SHPK: variants seen among roughly 807,000 people sequenced by gnomAD.
SHPK encodes sedoheptulokinase, also known as carbohydrate kinase-like protein.
A neutral mutation model predicts 46.3 loss-of-function variants in SHPK; 51 were observed. That is an observed-to-expected ratio of 1.10 (90% CI 0.88 to 1.39). The LOEUF (loss-of-function observed/expected upper bound fraction) is 1.39. Ranked by LOEUF, SHPK falls within the 40% of genes most tolerant of loss-of-function variation. The pLI, the probability that SHPK is intolerant of heterozygous loss-of-function variation, is 0.00. For missense variants in SHPK, 668 were observed against 641.3 expected (o/e 1.04, Z -0.45); for synonymous variants, 290 against 273.9 (o/e 1.06, Z -0.58).
chr17:3,634,030 G>A (rs188780462), intron 1 of SHPK, among the ~76,000 whole-genome samples: 25 of 149,576 alleles, frequency 1.7e-4, no homozygotes, highest in Admixed American at 1.2e-3. Context: ...GATTAAGGGC[G>A]GTGCAAGATG....
At chr17:3,625,832 C>T (rs529123687) in intron 2 of SHPK, among the ~76,000 whole-genome samples, 10 of 152,306 alleles carry the variant, frequency 6.6e-5, no homozygotes, top group East Asian at 3.9e-4. Context: ...GTGGGCGGAT[C>T]ACCTGAGGTG....
intron 4 of SHPK, chr17:3,622,413 A>G (rs2075408521): frequency 5.3e-6 from 1 of 189,000 alleles, no homozygotes; most frequent in Non-Finnish European, 9.8e-6. Flanking sequence ...GTTCGGCGCC[A>G]TTATGGTTGG....
intron 1 of SHPK, among the ~76,000 whole-genome samples, chr17:3,631,395 C>T (rs750401412): frequency 4.6e-5 from 7 of 151,574 alleles, no homozygotes; most frequent in Non-Finnish European, 8.8e-5. Context: ...TAGACCCTCA[C>T]TGTCCAATAC....
Position 3,620,664 on chromosome 17 carries a change from C to T in SHPK, c.823+573G>A, listed in dbSNP as rs963636884. Among the ~76,000 whole-genome samples the T allele has an allele frequency of 2.0e-5, 3 of 152,028 alleles. 1 individual carries two copies. The highest frequency in any genetic ancestry group is 2.0e-4 in the Admixed American group (3 of 15,256). On this transcript the variant is annotated intron_variant, in intron 5 of 6. Transcript: ENST00000225519. ...GAAACCTCCGCCTCCCGGGTTCAAGCGATTCTCTGCCTCAGCCTCCTGAGT... is the reference window on the plus strand; with the variant it reads ...GAAACCTCCGCCTCCCGGGTTCAAGTGATTCTCTGCCTCAGCCTCCTGAGT...
intron 1 of SHPK, 112 bp from the exon 2 acceptor site, chr17:3,630,458 A>T: frequency 8.9e-7 from 1 of 1,124,324 alleles, no homozygotes; most frequent in Non-Finnish European, 1.2e-6. Flanking sequence ...TCCACTCCCT[A>T]ACTTCACAGT....
At chr17:3,619,291 G>A in intron 5 of SHPK, 1 of 874,694 alleles carries the variant, frequency 1.1e-6, no homozygotes, top group Non-Finnish European at 1.9e-6. Context: ...AACGTGGCCA[G>A]CTTCACATCT....
chr17:3,620,762 T>A (rs1197370978), intron 5 of SHPK, among the ~76,000 whole-genome samples: 2 of 151,488 alleles, frequency 1.3e-5, no homozygotes, highest in Non-Finnish European at 2.9e-5. Flanking sequence ...GGTTTCACCA[T>A]CTTGGCCAGG....
intron 3 of SHPK, 122 bp downstream of exon 3, chr17:3,623,926 T>C: frequency 1.0e-6 from 1 of 976,254 alleles, no homozygotes. Context: ...TGCTGCATCC[T>C]GTCCTGCCAG....
At chr17:3,621,818 A>C (rs993496468) in intron 4 of SHPK, among the ~76,000 whole-genome samples, 1 of 141,320 alleles carries the variant, frequency 7.1e-6, no homozygotes, top group Non-Finnish European at 1.5e-5. Context: ...ATGCCCAGCT[A>C]ATTTTTGTAT....
At chr17:3,630,483 AGGTG>A in intron 1 of SHPK, 137 bp from the exon 2 acceptor site, 4 of 917,838 alleles carry the variant, frequency 4.4e-6, no homozygotes, top group Non-Finnish European at 3.2e-6. Flanking sequence ...GCACTGCTGC[AGGTG>A]AGTTGCAGCA....
At chr17:3,621,460 G>A in intron 4 of SHPK, 48 bp from the exon 5 acceptor site, 1 of 1,545,674 alleles carries the variant, frequency 6.5e-7, no homozygotes, top group Non-Finnish European at 8.8e-7. Context: ...TTAGGTTTCG[G>A]GAATTTAAGG....
At chr17:3,633,633 A>C (rs2075487226) in intron 1 of SHPK, among the ~76,000 whole-genome samples, 1 of 152,068 alleles carries the variant, frequency 6.6e-6, no homozygotes. Context: ...ACACTGGGTG[A>C]GCCTGTAAGC....
intron 2 of SHPK, among the ~76,000 whole-genome samples, chr17:3,625,826 G>A (rs768534051): frequency 6.6e-6 from 1 of 152,228 alleles, no homozygotes; most frequent in Non-Finnish European, 1.5e-5. Context: ...GCCAAGGTGG[G>A]CGGATCACCT....
chr17:3,622,937 T>A (rs1401074069), intron 4 of SHPK, among the ~76,000 whole-genome samples: 1 of 152,136 alleles, frequency 6.6e-6, no homozygotes, highest in Non-Finnish European at 1.5e-5. Context: ...ACTCCTGACC[T>A]CAGGTGATTC....
chr17:3,636,121 T>G lies in SHPK; in HGVS notation c.99A>C (p.Ala33=), dbSNP rs768972920. 2 of 1,610,228 alleles carry G rather than the reference T, an allele frequency of 1.2e-6. No individual in the cohort carries two copies. The highest frequency in any genetic ancestry group is 1.1e-5 in the South Asian group (1 of 90,514). ...RAAPDDPSGF[A]VLASCARAAR... is the part of the protein sequence containing the mutation. Reference sequence around the variant, plus strand: ...CAGCACGGGCACAGCTCGCCAGCACTGCGAACCCGGATGGGTCGTCGGGCG... The same window carrying G: ...CAGCACGGGCACAGCTCGCCAGCACGGCGAACCCGGATGGGTCGTCGGGCG... Residue 33 remains alanine, a synonymous_variant, in exon 1 of 7, where the codon GCA becomes GCC. Coordinates refer to ENST00000225519, the MANE Select transcript of SHPK (RefSeq NM_013276.4).
In SHPK at chr17:3,636,149, G is replaced by A; in HGVS notation, c.71C>T (p.Ala24Val). 1 of 1,612,060 alleles carries A rather than the reference G, an allele frequency of 6.2e-7. No individual in the cohort carries two copies. The highest frequency in any genetic ancestry group is 8.5e-7 in the Non-Finnish European group (1 of 1,179,052). ...TTSVKAALLR[A>V]APDDPSGFAV... is the part of the protein sequence containing the mutation. Reference sequence around the variant, plus strand: ...GAACCCGGATGGGTCGTCGGGCGCGGCCCTCAGCAGAGCTGCCTTCACAGA... The same window carrying A: ...GAACCCGGATGGGTCGTCGGGCGCGACCCTCAGCAGAGCTGCCTTCACAGA... Residue 24 changes from alanine to valine, a missense_variant, in exon 1 of 7, where the codon GCC (alanine) becomes GTC (valine). Physicochemically the swap from Ala to Val is moderately conservative, Grantham distance 64 (BLOSUM62 0). Coordinates refer to ENST00000225519, the MANE Select transcript of SHPK (RefSeq NM_013276.4).
chr17:3,624,539 C>A (rs1486008055), intron 2 of SHPK, among the ~76,000 whole-genome samples: 1 of 152,186 alleles, frequency 6.6e-6, no homozygotes, highest in Non-Finnish European at 1.5e-5. Context: ...CTCAAGTCCC[C>A]TGGTCTCTGT....
In SHPK at chr17:3,636,073, C is replaced by T. The variant is rs751608307; in HGVS notation, c.147G>A (p.Glu49=). The T allele has an allele frequency of 1.9e-6, 3 of 1,583,420 alleles. No individual in the cohort carries two copies. Among genetic ancestry groups the T allele is most frequent in the Admixed American group, 1.8e-5 (1 of 55,468 alleles). ...TCACCTGGGGCCCGGCCACCGCGCT[C>T]TCGACCGCCGCCTCTGCCCGCGCAG... is the stretch of plus-strand genomic sequence containing the variant. The part of the protein sequence containing the change: ...ARAARAEAAV[E]SAVAGPQGRE... The change falls in exon 1 of 7, where the codon GAG becomes GAA. Residue 49 remains glutamate (E), a synonymous_variant. Transcript: ENST00000225519.
At chr17:3,632,971 C>CTTTTTTTT (rs34873037) in intron 1 of SHPK, among the ~76,000 whole-genome samples, 1 of 81,726 alleles carries the variant, frequency 1.2e-5, no homozygotes, top group Non-Finnish European at 2.4e-5. Context: ...GCAGATATTA[C>CTTTTTTTT]TTTTTTTTTT....
Sources: gnomAD v4.1 joint callset for allele counts (sites outside exome capture counted in the v4.1 genomes callset) on GRCh38, gnomAD v4.1.1 for gene constraint, MANE v1.5 for transcripts, NCBI Gene and HGNC (gene_info 2026-07-23, HGNC 2026-07-21) for gene names.